COL4A1: variants seen among roughly 807,000 people sequenced by gnomAD.
COL4A1 encodes the protein collagen type IV alpha 1 chain.
COL4A1 carries 40 observed loss-of-function variants against 216.6 expected under a neutral mutation model. That is an observed-to-expected ratio of 0.18 (90% CI 0.14 to 0.24). COL4A1 has a LOEUF of 0.24. Ranked by LOEUF, COL4A1 falls within the 10% of genes least tolerant of loss-of-function variation. The probability of loss-of-function intolerance (pLI) is 1.00; values close to 1 mark genes in which losing one functional copy is unlikely to be tolerated. For missense variants in COL4A1, 1,628 were observed against 2,196.8 expected (o/e 0.74, Z 5.18); for synonymous variants, 839 against 810.7 (o/e 1.03, Z -0.59).
intron 2 of COL4A1, among the ~76,000 whole-genome samples, chr13:110,225,482 C>G (rs1201954821): frequency 6.6e-6 from 1 of 152,174 alleles, no homozygotes; most frequent in East Asian, 1.9e-4. Context: ...ACTTGGGAGG[C>G]TGAGACAGGA....
rs496916 is a variant in COL4A1 at position 110,198,667 on chromosome 13, G to C, written c.1121-36C>G. Reference sequence around the variant, plus strand: ...ACAGAAGCTCACATCAGTAACCTCAGGGCCACTTAGCAACTACAGCATAAA... The same window carrying C: ...ACAGAAGCTCACATCAGTAACCTCACGGCCACTTAGCAACTACAGCATAAA... On this transcript the variant is annotated intron_variant, in intron 20 of 51. Coordinates refer to ENST00000375820, the MANE Select transcript of COL4A1 (RefSeq NM_001845.6). The C allele has an allele frequency of 0.36, 580,618 of 1,612,806 alleles. 106,881 individuals are homozygous for C. The highest frequency in any genetic ancestry group is 0.51 in the East Asian group (22,753 of 44,848).
At chr13:110,283,439 A>G (rs1883718039) in intron 1 of COL4A1, among the ~76,000 whole-genome samples, 1 of 152,204 alleles carries the variant, frequency 6.6e-6, no homozygotes, top group African/African-American at 2.4e-5. Context: ...ATGTAAACTC[A>G]CTAAGAACAG....
At chr13:110,201,707 G>T (rs767128165) in intron 18 of COL4A1, 185 bp from the exon 19 acceptor site, 3 of 747,886 alleles carry the variant, frequency 4.0e-6, no homozygotes, top group Non-Finnish European at 7.3e-6. Context: ...GGGACAGGCC[G>T]GTGCGGTGGC....
At position 110,207,832 on chromosome 13, in the gene COL4A1, A is replaced by G. The variant is rs1879585801; in HGVS notation, c.694-343T>C. On this transcript the variant is annotated intron_variant, in intron 12 of 51. Coordinates refer to ENST00000375820, the MANE Select transcript of COL4A1 (RefSeq NM_001845.6). This position sits in a 1 kb window ranked among gnomAD's most constrained non-coding sequence, Gnocchi z 4.4. ...GGCACGGAGGAAAGGAATACAAACT[A>G]CCTAATAGAGCTTGAGAAAAAAGAA... Among the ~76,000 whole-genome samples, 1 of 152,130 alleles carries G rather than the reference A, an allele frequency of 6.6e-6. No homozygotes were observed. The highest frequency in any genetic ancestry group is 1.5e-5 in the Non-Finnish European group (1 of 68,022).
At chr13:110,221,546 A>C (rs1324091743) in intron 2 of COL4A1, among the ~76,000 whole-genome samples, 1 of 152,192 alleles carries the variant, frequency 6.6e-6, no homozygotes, top group East Asian at 1.9e-4. Flanking sequence ...GGCAGCCAAA[A>C]AAAATCTTAA....
chr13:110,188,433 C>A (rs1396556655), intron 24 of COL4A1, among the ~76,000 whole-genome samples: 1 of 152,224 alleles, frequency 6.6e-6, no homozygotes, highest in African/African-American at 2.4e-5. Context: ...TGGTTACCAG[C>A]CTGCTAGGCA....
intron 2 of COL4A1, among the ~76,000 whole-genome samples, chr13:110,233,255 A>G (rs1881148211): frequency 6.6e-6 from 1 of 152,216 alleles, no homozygotes; most frequent in Admixed American, 6.5e-5. Context: ...TTCCTCTGCC[A>G]GATGATGATT....
intron 21 of COL4A1, among the ~76,000 whole-genome samples, chr13:110,197,870 T>A (rs1192209021): frequency 6.6e-6 from 1 of 152,226 alleles, no homozygotes; most frequent in Admixed American, 6.5e-5. Flanking sequence ...GCTCCAGGTA[T>A]CTGAACACAC....
intron 1 of COL4A1, among the ~76,000 whole-genome samples, chr13:110,289,256 G>A (rs1207712159): frequency 6.6e-6 from 1 of 152,162 alleles, no homozygotes; most frequent in African/African-American, 2.4e-5. Flanking sequence ...GGAGGTAGAG[G>A]GCTGGAGTGA....
chr13:110,236,740 C>T (rs993653751), intron 2 of COL4A1, among the ~76,000 whole-genome samples: 1 of 152,214 alleles, frequency 6.6e-6, no homozygotes, highest in Non-Finnish European at 1.5e-5. Context: ...CCAGTGCTCA[C>T]GCTGGGGGTG....
At chr13:110,164,516 A>C (rs1217853308) in intron 46 of COL4A1, among the ~76,000 whole-genome samples, 1 of 152,122 alleles carries the variant, frequency 6.6e-6, no homozygotes, top group Non-Finnish European at 1.5e-5. Context: ...GAGAGCACCG[A>C]TTTTTACCAT....
At chr13:110,276,207 G>A (rs1242898528) in intron 1 of COL4A1, among the ~76,000 whole-genome samples, 1 of 152,140 alleles carries the variant, frequency 6.6e-6, no homozygotes, top group African/African-American at 2.4e-5. Context: ...CAATTTTGCT[G>A]TGAACCTAAA....
At chr13:110,278,099 A>G (rs1200225040) in intron 1 of COL4A1, among the ~76,000 whole-genome samples, 2 of 152,240 alleles carry the variant, frequency 1.3e-5, no homozygotes, top group East Asian at 3.8e-4. Context: ...ATTTTCTCCC[A>G]ATAACTCGGA....
At chr13:110,226,402 T>C (rs1341354015) in intron 2 of COL4A1, among the ~76,000 whole-genome samples, 4 of 152,202 alleles carry the variant, frequency 2.6e-5, no homozygotes, top group Admixed American at 2.6e-4. Flanking sequence ...GCTAACGACA[T>C]ACACCGGTCT....
At chr13:110,201,661 G>T (rs753808631) in intron 18 of COL4A1, 139 bp from the exon 19 acceptor site, 2 of 837,568 alleles carry the variant, frequency 2.4e-6, no homozygotes, top group Admixed American at 1.7e-5. Flanking sequence ...CAATGGTAGC[G>T]GACAAGGAGG....
At chr13:110,299,803 C>A (rs73619244) in intron 1 of COL4A1, among the ~76,000 whole-genome samples, 4,786 of 152,298 alleles carry the variant, frequency 0.031, 248 homozygotes, top group African/African-American at 0.11. Context: ...GTAGCAAATA[C>A]GTCACACACA....
chr13:110,252,230 G>A (rs1030736108), intron 1 of COL4A1, among the ~76,000 whole-genome samples: 117 of 151,704 alleles, frequency 7.7e-4, no homozygotes, highest in African/African-American at 2.6e-3. Context: ...CACCATGTTG[G>A]CCAGGCTGGT....
At chr13:110,228,107 G>A (rs1419585039) in intron 2 of COL4A1, among the ~76,000 whole-genome samples, 6 of 152,162 alleles carry the variant, frequency 3.9e-5, no homozygotes, top group Non-Finnish European at 4.4e-5. Context: ...CTCAGGAAGC[G>A]CAGCTGGGCG....
chr13:110,150,569 G>C (rs1220615599), intron 51 of COL4A1, 125 bp from the exon 52 acceptor site: 1 of 919,458 alleles, frequency 1.1e-6, no homozygotes, highest in Non-Finnish European at 1.7e-6. Context: ...GCCTCAACCT[G>C]GTACCACCCA....
Sources: gnomAD v4.1 joint callset for allele counts (sites outside exome capture counted in the v4.1 genomes callset) on GRCh38, gnomAD v4.1.1 for gene constraint, Gnocchi (gnomAD v3.1) non-coding constraint, MANE v1.5 for transcripts, NCBI Gene and HGNC (gene_info 2026-07-23, HGNC 2026-07-21) for gene names.